Variants in CATSPERE observed in about 807,000 individuals in gnomAD.
CATSPERE encodes catsper channel auxiliary subunit epsilon, also known as cation channel sperm-associated auxiliary subunit epsilon.
In CATSPERE, 93 loss-of-function variants were observed where a neutral mutation model predicts 114.1. That is an observed-to-expected ratio of 0.81 (90% CI 0.69 to 0.97). CATSPERE has a LOEUF of 0.97. CATSPERE is among the 50% of genes least tolerant of loss of function. CATSPERE has a pLI of 0.00. For synonymous variants in CATSPERE, 341 were observed against 384.1 expected, an observed-to-expected ratio of 0.89 and a Z score of 1.31; for missense variants, 1,058 against 1,131.6, an observed-to-expected ratio of 0.93 and a Z score of 0.93.
chr1:244,469,208 C>T (rs1316154157), intron 2 of CATSPERE, among the ~76,000 whole-genome samples: 3 of 151,932 alleles, frequency 2.0e-5, no homozygotes, highest in Non-Finnish European at 4.4e-5. Flanking sequence ...ATCTTTGAAA[C>T]TTTTATTAGT....
intron 8 of CATSPERE, among the ~76,000 whole-genome samples, chr1:244,551,802 C>T (rs897478062): frequency 4.6e-5 from 7 of 152,028 alleles, no homozygotes; most frequent in African/African-American, 1.4e-4. Context: ...CGGTGGCTCA[C>T]GCCTGTAATC....
At chr1:244,558,468 C>G (rs1350258899) in intron 9 of CATSPERE, among the ~76,000 whole-genome samples, 2 of 151,926 alleles carry the variant, frequency 1.3e-5, no homozygotes, top group Non-Finnish European at 2.9e-5. Flanking sequence ...GCTGAAATTC[C>G]TCATCTCTTC....
chr1:244,492,575 G>C lies in CATSPERE; in HGVS notation c.351+2104G>C, dbSNP rs547938081. Among the ~76,000 whole-genome samples the C allele has an allele frequency of 4.6e-3, 703 of 151,662 alleles. 8 individuals are homozygous for C. The highest frequency in any genetic ancestry group is 0.016 in the African/African-American group (667 of 41,320). On this transcript the variant is annotated intron_variant, in intron 6 of 21. Transcript: ENST00000366534. The stretch of plus-strand genomic sequence containing the variant: ...TCTCTCACCACTCCTATTCAACATA[G>C]TGTTGGAAGTTCTGGCCAGGGCAAT...
intron 4 of CATSPERE, among the ~76,000 whole-genome samples, chr1:244,479,131 T>C (rs560611355): frequency 1.3e-4 from 20 of 151,888 alleles, no homozygotes; most frequent in Non-Finnish European, 2.6e-4. Context: ...TTCACTCTTA[T>C]TGCCCAGGCT....
chr1:244,517,547 G>A (rs1676836353), intron 7 of CATSPERE, among the ~76,000 whole-genome samples: 1 of 151,904 alleles, frequency 6.6e-6, no homozygotes, highest in South Asian at 2.1e-4. Flanking sequence ...GGAGGTGGGT[G>A]GATCACCTGA....
chr1:244,559,919 A>C lies in CATSPERE; in HGVS notation c.1030-749A>C, dbSNP rs180689529. Among the ~76,000 whole-genome samples, 84 of 152,362 alleles carry C rather than the reference A, an allele frequency of 5.5e-4. 1 individual carries two copies. Among genetic ancestry groups the C allele is most frequent in the African/African-American group, 1.9e-3 (77 of 41,590 alleles). ...AATATGACCAATTTCTATTTAATAT[A>C]TTTCTATGCCTGAAGTATTATTCAA... is the stretch of plus-strand genomic sequence containing the variant. On this transcript the variant is annotated intron_variant, in intron 9 of 21. Coordinates refer to ENST00000366534, the MANE Select transcript of CATSPERE (RefSeq NM_001130957.2).
chr1:244,461,146 A>C (rs1666677365), upstream of CATSPERE, among the ~76,000 whole-genome samples: 1 of 149,736 alleles, frequency 6.7e-6, no homozygotes, highest in African/African-American at 2.5e-5. Flanking sequence ...GATTTTTCGA[A>C]GTGTTTTTGC....
chr1:244,628,026 C>T (rs1673431157), intron 20 of CATSPERE, among the ~76,000 whole-genome samples: 1 of 152,158 alleles, frequency 6.6e-6, no homozygotes, highest in Non-Finnish European at 1.5e-5. Flanking sequence ...TCCATTGTAG[C>T]GTTAAAGCAA....
At chr1:244,584,555 G>T (rs6689018) in intron 13 of CATSPERE, among the ~76,000 whole-genome samples, 28,071 of 151,462 alleles carry the variant, frequency 0.19, 3,758 homozygotes, top group East Asian at 0.4. Context: ...TTATATTATA[G>T]TATTGTGAAA....
chr1:244,628,667 A>C (rs764665718), intron 20 of CATSPERE, among the ~76,000 whole-genome samples: 2 of 152,102 alleles, frequency 1.3e-5, no homozygotes, highest in Admixed American at 6.5e-5. Context: ...CATCTCTCCT[A>C]TTAGGAAAAG....
intron 20 of CATSPERE, among the ~76,000 whole-genome samples, chr1:244,630,044 TG>T: frequency 6.6e-6 from 1 of 152,286 alleles, no homozygotes; most frequent in South Asian, 2.1e-4. Context: ...TATGAGATGA[TG>T]ATGAAAACAA....
chr1:244,551,791 G>A (rs1239158473), intron 8 of CATSPERE, among the ~76,000 whole-genome samples: 2 of 152,050 alleles, frequency 1.3e-5, no homozygotes, highest in Admixed American at 6.6e-5. Context: ...GAGGCCAGGC[G>A]CGGTGGCTCA....
At chr1:244,585,524 A>G (rs1401886247) in intron 13 of CATSPERE, among the ~76,000 whole-genome samples, 2 of 152,222 alleles carry the variant, frequency 1.3e-5, no homozygotes, top group Non-Finnish European at 2.9e-5. Context: ...AAATCAAAAC[A>G]TGCACACAAC....
At chr1:244,623,159 C>T (rs2148724542) in intron 20 of CATSPERE, among the ~76,000 whole-genome samples, 1 of 152,080 alleles carries the variant, frequency 6.6e-6, no homozygotes, top group South Asian at 2.1e-4. Flanking sequence ...TTCACTGCAA[C>T]CTCCACCTCC....
intron 8 of CATSPERE, among the ~76,000 whole-genome samples, chr1:244,532,527 A>G (rs1679774005): frequency 6.6e-6 from 1 of 152,072 alleles, no homozygotes; most frequent in Non-Finnish European, 1.5e-5. Context: ...CATTTGGTTC[A>G]AGAAATATTT....
rs375108963 is a variant in CATSPERE, at chr1:244,491,519, G to A, written c.351+1048G>A. Among the ~76,000 whole-genome samples, 24 of 151,958 alleles carry A rather than the reference G, an allele frequency of 1.6e-4. No individual in the cohort carries two copies. In the East Asian group the frequency reaches 1.7e-3, roughly 11 times the overall value. ...AAAGATCCAAAATCGACACCCTAAC[G>A]TCACAATTAAAAGAACTAGAAAAGC... On this transcript the variant is annotated intron_variant, in intron 6 of 21. Transcript: ENST00000366534.
chr1:244,586,142 G>A (rs1666994266), intron 13 of CATSPERE, among the ~76,000 whole-genome samples: 1 of 152,198 alleles, frequency 6.6e-6, no homozygotes, highest in Non-Finnish European at 1.5e-5. Flanking sequence ...TAGGTGTCCA[G>A]TTCTGGGAAT....
At chr1:244,468,995 C>T (rs1668039659) in intron 2 of CATSPERE, among the ~76,000 whole-genome samples, 1 of 152,132 alleles carries the variant, frequency 6.6e-6, no homozygotes, top group South Asian at 2.1e-4. Context: ...AAAAGCATGT[C>T]TAAAAAATCC....
chr1:244,456,082 C>G (rs1216874395), intron 1 of CATSPERE, among the ~76,000 whole-genome samples: 1 of 149,946 alleles, frequency 6.7e-6, no homozygotes, highest in African/African-American at 2.5e-5. Context: ...GGAAACACCC[C>G]CCCGCCCCCC....
Sources: gnomAD v4.1 joint callset for allele counts (sites outside exome capture counted in the v4.1 genomes callset) on GRCh38, gnomAD v4.1.1 for gene constraint, MANE v1.5 for transcripts, NCBI Gene and HGNC (gene_info 2026-07-23, HGNC 2026-07-21) for gene names.